The following NKAIN2 variants were observed in gnomAD, a reference collection of about 807,000 sequenced individuals.
NKAIN2 encodes sodium/potassium-transporting ATPase subunit beta-1-interacting protein 2.
In NKAIN2, 14 loss-of-function variants were observed where a neutral mutation model predicts 32.6. The ratio of observed to expected loss-of-function variants is 0.43; its 90% CI spans 0.28 to 0.67. The LOEUF is 0.67. Among genes scored for constraint, NKAIN2 ranks in the 30% least tolerant of loss-of-function variants. The pLI, the probability that NKAIN2 is intolerant of heterozygous loss-of-function variation, is 0.17. For synonymous variants in NKAIN2, 80 were observed against 87.2 expected, an observed-to-expected ratio of 0.92 and a Z score of 0.46; for missense variants, 198 against 258.3, an observed-to-expected ratio of 0.77 and a Z score of 1.60.
At chr6:124,215,874 T>C (rs1791449580) in intron 1 of NKAIN2, among the ~76,000 whole-genome samples, 1 of 152,052 alleles carries the variant, frequency 6.6e-6, no homozygotes, top group African/African-American at 2.4e-5. Context: ...TCCCAGCACT[T>C]TGGGAGACTG....
chr6:124,439,535 C>G (rs373643472), intron 3 of NKAIN2, among the ~76,000 whole-genome samples: 16 of 151,978 alleles, frequency 1.1e-4, no homozygotes, highest in African/African-American at 3.9e-4. Flanking sequence ...TCCCACTATC[C>G]TTAGGGTCTG....
chr6:124,272,677 G>C (rs1794848104), intron 1 of NKAIN2, among the ~76,000 whole-genome samples: 1 of 152,112 alleles, frequency 6.6e-6, no homozygotes, highest in African/African-American at 2.4e-5. Context: ...ACCCCACATG[G>C]TAGAACCATC....
At chr6:124,656,518 A>G (rs1322705309) in intron 3 of NKAIN2, among the ~76,000 whole-genome samples, 1 of 152,052 alleles carries the variant, frequency 6.6e-6, no homozygotes, top group African/African-American at 2.4e-5. Flanking sequence ...GGCTAACAGA[A>G]TTTGGTGGCT....
At chr6:123,852,644 A>G (rs1297439298) in intron 1 of NKAIN2, among the ~76,000 whole-genome samples, 2 of 152,212 alleles carry the variant, frequency 1.3e-5, no homozygotes, top group Non-Finnish European at 2.9e-5. Flanking sequence ...GATAAAGAAA[A>G]CGTGGAAAAT....
intron 4 of NKAIN2, among the ~76,000 whole-genome samples, chr6:124,733,304 A>G (rs1776776550): frequency 6.6e-6 from 1 of 151,972 alleles, no homozygotes. Context: ...AAGCCTTAAT[A>G]TATGAATTTT....
chr6:124,466,279 C>T (rs1776752013), intron 3 of NKAIN2, among the ~76,000 whole-genome samples: 1 of 152,114 alleles, frequency 6.6e-6, no homozygotes, highest in Admixed American at 6.5e-5. Context: ...AGTGAGAGAA[C>T]AAGCTACTCT....
chr6:123,984,889 A>G (rs1202622574), intron 1 of NKAIN2, among the ~76,000 whole-genome samples: 2 of 152,222 alleles, frequency 1.3e-5, no homozygotes, highest in African/African-American at 4.8e-5. Flanking sequence ...TTTAACATTC[A>G]ATAAGCAAAA....
chr6:124,594,381 G>A (rs1354466280), intron 3 of NKAIN2, among the ~76,000 whole-genome samples: 4 of 152,120 alleles, frequency 2.6e-5, no homozygotes, highest in Admixed American at 6.6e-5. Flanking sequence ...GAAATTCAGG[G>A]GACATCCACA....
intron 3 of NKAIN2, among the ~76,000 whole-genome samples, chr6:124,519,714 A>G (rs1779051173): frequency 6.6e-6 from 1 of 152,234 alleles, no homozygotes; most frequent in Non-Finnish European, 1.5e-5. Flanking sequence ...TTCCATATTC[A>G]CAAATGGAAT....
chr6:124,792,567 T>G lies in NKAIN2; in HGVS notation c.535+1168T>G, dbSNP rs575623320. ...ATTTTACCTGTAGGAACTTGCCAAC[T>G]AGGAGGTTAAAACAAACATATGAGC... On this transcript the variant is annotated intron_variant, in intron 5 of 6. Coordinates refer to ENST00000368417, the MANE Select transcript of NKAIN2 (RefSeq NM_001040214.3). Among the ~76,000 whole-genome samples, 177 of 152,248 alleles carry G rather than the reference T, an allele frequency of 1.2e-3. 1 individual carries two copies. Among genetic ancestry groups the G allele is most frequent in the African/African-American group, 4.0e-3 (165 of 41,548 alleles).
At chr6:124,057,663 C>G (rs1415741645) in intron 1 of NKAIN2, among the ~76,000 whole-genome samples, 1 of 150,204 alleles carries the variant, frequency 6.7e-6, no homozygotes, top group East Asian at 2.0e-4. Flanking sequence ...TCCATCTGTA[C>G]TATCAAAATA....
chr6:124,699,336 C>T (rs1025564687), intron 4 of NKAIN2, among the ~76,000 whole-genome samples: 28 of 152,232 alleles, frequency 1.8e-4, no homozygotes, highest in African/African-American at 6.5e-4. Context: ...AGCATGGCAG[C>T]TCAGTTTGGA....
chr6:124,304,674 G>C (rs559624447), intron 2 of NKAIN2, among the ~76,000 whole-genome samples: 1 of 151,876 alleles, frequency 6.6e-6, no homozygotes, highest in South Asian at 2.1e-4. Context: ...CCAGCACTTT[G>C]GGAGGCCAAG....
intron 4 of NKAIN2, among the ~76,000 whole-genome samples, chr6:124,727,605 G>A (rs1172905362): frequency 1.3e-5 from 2 of 151,738 alleles, no homozygotes; most frequent in African/African-American, 2.4e-5. Flanking sequence ...GCAAAATCAT[G>A]CCAAAATGTA....
chr6:124,033,990 T>G (rs1781507352), intron 1 of NKAIN2, among the ~76,000 whole-genome samples: 1 of 152,176 alleles, frequency 6.6e-6, no homozygotes. Flanking sequence ...ATTTGTGCTT[T>G]GATAACAGCA....
intron 1 of NKAIN2, among the ~76,000 whole-genome samples, chr6:123,806,913 C>G (rs779509930): frequency 1.5e-4 from 23 of 152,024 alleles, no homozygotes; most frequent in Non-Finnish European, 1.6e-4. Context: ...ATATTTACAT[C>G]TGTACCAATT....
chr6:124,229,356 A>C (rs1418030681), intron 1 of NKAIN2, among the ~76,000 whole-genome samples: 1 of 152,198 alleles, frequency 6.6e-6, no homozygotes, highest in African/African-American at 2.4e-5. Context: ...GACTATGTGA[A>C]GGGCAATCTG....
intron 1 of NKAIN2, among the ~76,000 whole-genome samples, chr6:124,164,432 T>C (rs1788431571): frequency 6.6e-6 from 1 of 152,020 alleles, no homozygotes; most frequent in Non-Finnish European, 1.5e-5. Context: ...TAGAACACAA[T>C]AGTTTCTTTT....
At chr6:124,804,286 G>A (rs570751981) in intron 5 of NKAIN2, among the ~76,000 whole-genome samples, 1 of 152,310 alleles carries the variant, frequency 6.6e-6, no homozygotes, top group East Asian at 1.9e-4. Flanking sequence ...TGCCCTCACT[G>A]AGAATTAGCA....
Sources: gnomAD v4.1 joint callset for allele counts (sites outside exome capture counted in the v4.1 genomes callset) on GRCh38, gnomAD v4.1.1 for gene constraint, MANE v1.5 for transcripts, NCBI Gene and HGNC (gene_info 2026-07-23, HGNC 2026-07-21) for gene names.